The following GRIN2A variants were observed in gnomAD, a reference collection of about 807,000 sequenced individuals.
GRIN2A encodes glutamate ionotropic receptor NMDA type subunit 2A.
GRIN2A carries 22 observed loss-of-function variants against 113.4 expected under a neutral mutation model. The observed-to-expected ratio is 0.19, with a 90% CI of 0.14 to 0.28. The LOEUF is 0.28. Ranked by LOEUF, GRIN2A falls within the 10% of genes least tolerant of loss-of-function variation. The pLI is 1.00. For missense variants in GRIN2A, 1,502 were observed against 1,887.0 expected, an observed-to-expected ratio of 0.80 and a Z score of 3.78; for synonymous variants, 827 against 738.4, an observed-to-expected ratio of 1.12 and a Z score of -1.94.
chr16:9,984,513 T>G (rs1292582487), intron 2 of GRIN2A, among the ~76,000 whole-genome samples: 1 of 152,236 alleles, frequency 6.6e-6, no homozygotes, highest in Non-Finnish European at 1.5e-5. Flanking sequence ...TAACCCATTT[T>G]GAGTGTATTT....
At chr16:9,932,367 A>T (rs759171912) in intron 3 of GRIN2A, among the ~76,000 whole-genome samples, 1 of 151,908 alleles carries the variant, frequency 6.6e-6, no homozygotes, top group South Asian at 2.1e-4. Flanking sequence ...ACTTTATTTC[A>T]TTTTTATTTT....
chr16:10,084,300 C>A (rs2048042793), intron 2 of GRIN2A, among the ~76,000 whole-genome samples: 1 of 152,162 alleles, frequency 6.6e-6, no homozygotes, highest in African/African-American at 2.4e-5. Flanking sequence ...CTTTTTCCCA[C>A]TCAGCACTTT....
intron 2 of GRIN2A, among the ~76,000 whole-genome samples, chr16:10,135,307 C>T (rs2049168901): frequency 6.6e-6 from 1 of 152,126 alleles, no homozygotes; most frequent in African/African-American, 2.4e-5. Flanking sequence ...TTTTAACGTC[C>T]ATATTTCCAC....
chr16:9,894,838 T>G (rs2043771727), intron 3 of GRIN2A, among the ~76,000 whole-genome samples: 1 of 152,206 alleles, frequency 6.6e-6, no homozygotes, highest in Non-Finnish European at 1.5e-5. Flanking sequence ...TCCATCTATA[T>G]ATCTACCCTT....
chr16:10,169,250 T>A (rs1190813430), intron 2 of GRIN2A, among the ~76,000 whole-genome samples: 1 of 152,156 alleles, frequency 6.6e-6, no homozygotes, highest in Non-Finnish European at 1.5e-5. Flanking sequence ...TCAACGTCCA[T>A]CTTTAGATAT....
chr16:10,066,160 C>T (rs1241763285), intron 2 of GRIN2A, among the ~76,000 whole-genome samples: 3 of 152,150 alleles, frequency 2.0e-5, no homozygotes, highest in African/African-American at 7.2e-5. Context: ...ATTTCATATC[C>T]CCCGGTGTTG....
intron 2 of GRIN2A, among the ~76,000 whole-genome samples, chr16:10,041,579 C>G (rs143085606): frequency 6.6e-6 from 1 of 152,084 alleles, no homozygotes; most frequent in African/African-American, 2.4e-5. Flanking sequence ...CATGGTCTCA[C>G]GGGGTCATTT....
intron 2 of GRIN2A, among the ~76,000 whole-genome samples, chr16:10,007,015 T>G (rs1023978721): frequency 6.6e-6 from 1 of 152,230 alleles, no homozygotes; most frequent in Non-Finnish European, 1.5e-5. Flanking sequence ...TACCACATTT[T>G]CTTTATGCAT....
intron 2 of GRIN2A, among the ~76,000 whole-genome samples, chr16:10,150,825 A>G (rs1241352529): frequency 6.6e-6 from 1 of 152,138 alleles, no homozygotes; most frequent in Non-Finnish European, 1.5e-5. Context: ...ATTAACTTAT[A>G]TGCTTCTTCA....
chr16:9,874,597 C>G (rs2043329353), intron 4 of GRIN2A, among the ~76,000 whole-genome samples: 1 of 152,190 alleles, frequency 6.6e-6, no homozygotes, highest in Non-Finnish European at 1.5e-5. Context: ...ATGAACGCCA[C>G]CCATCTCTAC....
intron 2 of GRIN2A, among the ~76,000 whole-genome samples, chr16:10,110,763 C>T (rs1418979278): frequency 6.6e-6 from 1 of 152,192 alleles, no homozygotes; most frequent in Non-Finnish European, 1.5e-5. Flanking sequence ...CCTTTCACAG[C>T]TCAACACAGA....
At chr16:9,858,873 T>G (rs941143698) in intron 4 of GRIN2A, among the ~76,000 whole-genome samples, 1 of 152,214 alleles carries the variant, frequency 6.6e-6, no homozygotes, top group African/African-American at 2.4e-5. Flanking sequence ...ATTAGGTTAA[T>G]AGATGTGCGT....
At chr16:10,067,430 A>T (rs907293080) in intron 2 of GRIN2A, among the ~76,000 whole-genome samples, 1 of 152,234 alleles carries the variant, frequency 6.6e-6, no homozygotes, top group Admixed American at 6.5e-5. Flanking sequence ...AAAATAAAAA[A>T]TATATTGCAC....
intron 3 of GRIN2A, among the ~76,000 whole-genome samples, chr16:9,899,484 A>G (rs1447189404): frequency 2.0e-5 from 3 of 151,058 alleles, no homozygotes; most frequent in Non-Finnish European, 2.9e-5. Context: ...CAGAAAAATA[A>G]TAACTCCAAC....
chr16:9,916,643 C>G (rs1489829204), intron 3 of GRIN2A, among the ~76,000 whole-genome samples: 1 of 152,180 alleles, frequency 6.6e-6, no homozygotes, highest in East Asian at 1.9e-4. Flanking sequence ...GCCTTCTTCA[C>G]TAGGAGTCAA....
At chr16:9,909,994 C>T (rs1283321931) in intron 3 of GRIN2A, among the ~76,000 whole-genome samples, 5 of 152,140 alleles carry the variant, frequency 3.3e-5, no homozygotes, top group Admixed American at 6.5e-5. Context: ...GCCTCTTTCA[C>T]GTAGCCTAAT....
At chr16:10,072,641 T>C (rs1238968200) in intron 2 of GRIN2A, among the ~76,000 whole-genome samples, 2 of 152,170 alleles carry the variant, frequency 1.3e-5, no homozygotes, top group Admixed American at 1.3e-4. Flanking sequence ...GCTTCTAGAA[T>C]AAGGCAGTGC....
At chr16:10,022,751 C>T (rs2046749344) in intron 2 of GRIN2A, among the ~76,000 whole-genome samples, 1 of 152,122 alleles carries the variant, frequency 6.6e-6, no homozygotes, top group African/African-American at 2.4e-5. Flanking sequence ...AATATATATT[C>T]CCACAGTTCT....
rs554157538 is a variant in GRIN2A, at chr16:10,180,696, C to T, written c.-18-267G>A. 1 of 580,822 alleles carries T rather than the reference C, an allele frequency of 1.7e-6. No homozygotes were observed. Among genetic ancestry groups the T allele is most frequent in the South Asian group, 2.0e-5 (1 of 50,282 alleles). The allele number at this position is 580,822 out of a possible 1,614,324, so 36.0% of individuals were successfully genotyped here. A position where few individuals can be genotyped will look rare whatever the true frequency, so the allele number is the denominator to read the frequency against. ...CTTCCTCATCCCCTGTCTCCAGGCA[C>T]TTCCCCATCCCCATCTCTGTCCATA... On this transcript the variant is annotated intron_variant, in intron 1 of 12. Transcript: ENST00000330684. The surrounding 1 kb of genome is among the most constrained non-coding windows in gnomAD (Gnocchi z 7.0).
Sources: allele counts gnomAD v4.1 joint callset (sites outside exome capture counted in the v4.1 genomes callset), GRCh38; gene constraint gnomAD v4.1.1; non-coding constraint Gnocchi (gnomAD v3.1); transcripts MANE v1.5; gene names NCBI Gene and HGNC (gene_info 2026-07-23, HGNC 2026-07-21).